Variants in ZFHX3 observed in about 807,000 individuals in gnomAD.
The protein encoded by ZFHX3 is zinc finger homeobox protein 3.
ZFHX3 carries 42 observed loss-of-function variants against 279.1 expected under a neutral mutation model. The ratio of observed to expected loss-of-function variants is 0.15; its 90% CI spans 0.12 to 0.19. The LOEUF (loss-of-function observed/expected upper bound fraction) is 0.19, where lower values mean the gene tolerates loss of function less well. Among genes scored for constraint, ZFHX3 ranks in the 10% least tolerant of loss-of-function variants. The pLI, the probability that ZFHX3 is intolerant of heterozygous loss-of-function variation, is 1.00. For missense variants in ZFHX3, 4,981 were observed against 4,754.0 expected (o/e 1.05, Z -1.40); for synonymous variants, 2,293 against 1,957.8 (o/e 1.17, Z -4.52).
intron 1 of ZFHX3, among the ~76,000 whole-genome samples, chr16:73,011,175 G>T (rs1370432301): frequency 1.3e-5 from 2 of 152,094 alleles, no homozygotes; most frequent in African/African-American, 4.8e-5. Context: ...TAGAGACGGG[G>T]TTTCACCACG....
chr16:73,777,595 A>C (rs1959301133), intron 1 of ZFHX3, among the ~76,000 whole-genome samples: 1 of 151,826 alleles, frequency 6.6e-6, no homozygotes, highest in African/African-American at 2.4e-5. Context: ...TCTACTACAT[A>C]CATGACACTG....
At chr16:73,046,797 G>T (rs1303199492) in intron 1 of ZFHX3, among the ~76,000 whole-genome samples, 1 of 151,902 alleles carries the variant, frequency 6.6e-6, no homozygotes, top group South Asian at 2.1e-4. Context: ...CAGTATGAAG[G>T]AGAGGCCTTC....
chr16:73,526,345 G>C (rs1179526767), intron 2 of ZFHX3, among the ~76,000 whole-genome samples: 1 of 152,224 alleles, frequency 6.6e-6, no homozygotes, highest in Non-Finnish European at 1.5e-5. Context: ...TAATTAGACA[G>C]AAGCTCCAGA....
chr16:73,469,252 G>A (rs1597347250), intron 2 of ZFHX3, among the ~76,000 whole-genome samples: 1 of 152,234 alleles, frequency 6.6e-6, no homozygotes, highest in South Asian at 2.1e-4. Flanking sequence ...AACAAAAGCT[G>A]GAATAGAGCA....
At chr16:72,873,601 A>G (rs553153374) in intron 4 of ZFHX3, among the ~76,000 whole-genome samples, 127 of 152,306 alleles carry the variant, frequency 8.3e-4, no homozygotes, top group African/African-American at 3.0e-3. Flanking sequence ...CGAGGTAGTA[A>G]TTACCAGGTT....
chr16:73,763,365 T>C (rs954953813), intron 1 of ZFHX3, among the ~76,000 whole-genome samples: 1 of 152,216 alleles, frequency 6.6e-6, no homozygotes, highest in Non-Finnish European at 1.5e-5. Context: ...TGTAAATCAA[T>C]TCTAATTAAT....
At chr16:73,484,221 T>C (rs757331666) in intron 2 of ZFHX3, among the ~76,000 whole-genome samples, 4 of 152,114 alleles carry the variant, frequency 2.6e-5, no homozygotes, top group African/African-American at 4.8e-5. Context: ...CCACGAAGCA[T>C]CTTCTCCGTA....
intron 3 of ZFHX3, among the ~76,000 whole-genome samples, chr16:73,454,613 C>A (rs933781023): frequency 1.3e-5 from 2 of 148,616 alleles, no homozygotes; most frequent in Non-Finnish European, 3.0e-5. Context: ...ATCTCAATTT[C>A]TTTATTTTTC....
chr16:73,285,957 A>G, intron 4 of ZFHX3, among the ~76,000 whole-genome samples: 1 of 152,340 alleles, frequency 6.6e-6, no homozygotes, highest in East Asian at 1.9e-4. Flanking sequence ...TATATTTTAA[A>G]ACACATATTG....
At chr16:72,930,654 G>A (rs755540022) in intron 3 of ZFHX3, among the ~76,000 whole-genome samples, 1 of 152,158 alleles carries the variant, frequency 6.6e-6, no homozygotes, top group African/African-American at 2.4e-5. Context: ...AGCTCTTTCA[G>A]CCACTGCCAA....
chr16:72,800,332 T>C (rs536521343), intron 7 of ZFHX3, among the ~76,000 whole-genome samples: 1 of 152,270 alleles, frequency 6.6e-6, no homozygotes, highest in South Asian at 2.1e-4. Flanking sequence ...ATTCTGGACA[T>C]AATTAGCAGT....
rs552217350 is a variant in ZFHX3 at position 73,616,892 on chromosome 16, A to G, written c.-1547+63288T>C. ...AGCAAGTTCAAGTGCTATTGTAGCA[A>G]GCTAATTCCCTTCTTCCACATGCGA... On this transcript the variant is annotated intron_variant, in intron 2 of 17. Coordinates refer to the ZFHX3 transcript ENST00000641206. Among the ~76,000 whole-genome samples the G allele has an allele frequency of 4.6e-5, 7 of 152,334 alleles. No individual in the cohort carries two copies. In the South Asian group the frequency reaches 1.4e-3, roughly 32 times the overall value.
At chr16:73,866,687 T>C (rs1962030692) in intron 1 of ZFHX3, among the ~76,000 whole-genome samples, 1 of 152,240 alleles carries the variant, frequency 6.6e-6, no homozygotes, top group Admixed American at 6.5e-5. Context: ...TTAGTAATTA[T>C]GTTCCAGTTG....
intron 1 of ZFHX3, among the ~76,000 whole-genome samples, chr16:73,007,905 A>C (rs571319446): frequency 5.3e-4 from 80 of 152,222 alleles, no homozygotes; most frequent in African/African-American, 1.8e-3. Context: ...TTCAAATGCA[A>C]CTTACATTTG....
At chr16:72,976,509 C>T (rs1484882206) in intron 1 of ZFHX3, among the ~76,000 whole-genome samples, 1 of 152,212 alleles carries the variant, frequency 6.6e-6, no homozygotes, top group African/African-American at 2.4e-5. Flanking sequence ...CTACAACATA[C>T]ACAGCGCGTC....
chr16:73,692,157 AT>A (rs1403198087), intron 1 of ZFHX3, among the ~76,000 whole-genome samples: 1 of 152,116 alleles, frequency 6.6e-6, no homozygotes, highest in African/African-American at 2.4e-5. Flanking sequence ...GCGGACCTTA[AT>A]TCTCCTCTCC....
At chr16:72,813,260 A>C (rs937059738) in intron 5 of ZFHX3, among the ~76,000 whole-genome samples, 2 of 152,254 alleles carry the variant, frequency 1.3e-5, no homozygotes, top group Non-Finnish European at 2.9e-5. Flanking sequence ...CTCAGCATTC[A>C]GGTCACTGAA....
At chr16:72,878,539 G>A (rs1025404489) in intron 4 of ZFHX3, among the ~76,000 whole-genome samples, 5 of 152,220 alleles carry the variant, frequency 3.3e-5, no homozygotes, top group African/African-American at 7.2e-5. Context: ...AGAGCAACCC[G>A]AGGCACGCGC....
At chr16:73,515,776 G>A (rs563720618) in intron 2 of ZFHX3, among the ~76,000 whole-genome samples, 1 of 152,272 alleles carries the variant, frequency 6.6e-6, no homozygotes, top group South Asian at 2.1e-4. Context: ...TTTAGGAGAC[G>A]TTTCTTGGAG....
Sources: allele counts gnomAD v4.1 joint callset (sites outside exome capture counted in the v4.1 genomes callset), GRCh38; gene constraint gnomAD v4.1.1; transcripts MANE v1.5; gene names NCBI Gene and HGNC (gene_info 2026-07-23, HGNC 2026-07-21).